The following SFMBT2 variants were observed in gnomAD, a reference collection of about 807,000 sequenced individuals.
SFMBT2 encodes the protein Scm like with four mbt domains 2.
In SFMBT2, 38 loss-of-function variants were observed where a neutral mutation model predicts 110.1. That is an observed-to-expected ratio of 0.35 (90% CI 0.27 to 0.45). The LOEUF is 0.45. Among genes scored for constraint, SFMBT2 ranks in the 20% least tolerant of loss-of-function variants. The pLI, the probability that SFMBT2 is intolerant of heterozygous loss-of-function variation, is 1.00. For missense variants in SFMBT2, 1,011 were observed against 1,094.9 expected, an observed-to-expected ratio of 0.92 and a Z score of 1.08; for synonymous variants, 425 against 425.4, an observed-to-expected ratio of 1.00 and a Z score of 0.01.
intron 2 of SFMBT2, among the ~76,000 whole-genome samples, chr10:7,375,751 C>CCACACACACAAACACA (rs1345671445): frequency 1.6e-5 from 2 of 124,772 alleles, no homozygotes; most frequent in East Asian, 4.9e-4. Flanking sequence ...AAAGAAAAAA[C>CCACACACACAAACACA]CACACACACA....
intron 3 of SFMBT2, among the ~76,000 whole-genome samples, chr10:7,369,049 C>T (rs1018427724): frequency 5.9e-5 from 9 of 152,162 alleles, no homozygotes; most frequent in South Asian, 2.1e-4. Context: ...GGAATCAAAT[C>T]GGGCATGGTG....
intron 4 of SFMBT2, among the ~76,000 whole-genome samples, chr10:7,325,011 A>G (rs537016315): frequency 8.4e-6 from 1 of 119,024 alleles, no homozygotes; most frequent in Non-Finnish European, 1.6e-5. Flanking sequence ...TCTGTTGCCC[A>G]GGCTGGAGTG....
In SFMBT2 at chr10:7,307,785, T is replaced by C. The variant is rs1243179250; in HGVS notation, c.437-21831A>G. Among the ~76,000 whole-genome samples, 4 of 152,318 alleles carry C rather than the reference T, an allele frequency of 2.6e-5. No homozygotes were observed. The East Asian group carries it at 7.7e-4, about 29-fold the overall frequency. The stretch of plus-strand genomic sequence containing the variant: ...TGTGGAAGAGGAAAAGATTTCTTAC[T>C]GGAGACACAGAAAGCATAAAAGATC... On this transcript the variant is annotated intron_variant, in intron 4 of 20. Transcript: ENST00000397167.
chr10:7,327,057 G>A (rs1318657055), intron 4 of SFMBT2, among the ~76,000 whole-genome samples: 1 of 151,084 alleles, frequency 6.6e-6, no homozygotes, highest in East Asian at 1.9e-4. Context: ...TCATACGAGG[G>A]ACTTTTGCCC....
At chr10:7,191,043 C>A (rs1211112519) in intron 15 of SFMBT2, among the ~76,000 whole-genome samples, 1 of 150,748 alleles carries the variant, frequency 6.6e-6, no homozygotes, top group South Asian at 2.1e-4. Flanking sequence ...CTTTTGCCGT[C>A]TGCCATGATT....
chr10:7,233,878 C>T (rs376983842), intron 9 of SFMBT2, among the ~76,000 whole-genome samples: 1 of 152,230 alleles, frequency 6.6e-6, no homozygotes, highest in South Asian at 2.1e-4. Flanking sequence ...ATTGCACAGA[C>T]CTCAGCTGGC....
intron 10 of SFMBT2, among the ~76,000 whole-genome samples, chr10:7,221,094 G>A (rs1454468302): frequency 6.6e-6 from 1 of 150,512 alleles, no homozygotes; most frequent in African/African-American, 2.4e-5. Flanking sequence ...CCAAAGTGCT[G>A]GGATTACAGG....
chr10:7,392,983 T>TTATATATA (rs760008467), intron 1 of SFMBT2, among the ~76,000 whole-genome samples: 9 of 59,962 alleles, frequency 1.5e-4, no homozygotes, highest in East Asian at 9.8e-4. Flanking sequence ...TGTGGATAGA[T>TTATATATA]TATATATATA....
At chr10:7,337,114 G>C (rs1197311257) in intron 4 of SFMBT2, among the ~76,000 whole-genome samples, 1 of 152,146 alleles carries the variant, frequency 6.6e-6, no homozygotes, top group South Asian at 2.1e-4. Flanking sequence ...ATTTAATGAG[G>C]GAGTGTCTCT....
chr10:7,341,464 G>T (rs556221067), intron 4 of SFMBT2, among the ~76,000 whole-genome samples: 2 of 152,284 alleles, frequency 1.3e-5, no homozygotes, highest in South Asian at 4.1e-4. Context: ...TTTTGCTTTT[G>T]TTTGGAGAGG....
At chr10:7,323,182 G>A (rs370705496) in intron 4 of SFMBT2, among the ~76,000 whole-genome samples, 11 of 152,132 alleles carry the variant, frequency 7.2e-5, no homozygotes, top group African/African-American at 2.4e-4. Flanking sequence ...AGCTGGGCGC[G>A]GTGGTTCACG....
At chr10:7,357,157 G>T (rs1022144159) in intron 4 of SFMBT2, among the ~76,000 whole-genome samples, 1 of 152,124 alleles carries the variant, frequency 6.6e-6, no homozygotes, top group Non-Finnish European at 1.5e-5. Context: ...TCTCCAGAAG[G>T]CATTAAGATG....
chr10:7,191,344 C>G (rs942130019), intron 15 of SFMBT2, among the ~76,000 whole-genome samples: 2 of 152,184 alleles, frequency 1.3e-5, no homozygotes, highest in East Asian at 3.8e-4. Context: ...ATGGCCGAAA[C>G]GCTGGGCAGC....
At chr10:7,322,294 T>G (rs1356721906) in intron 4 of SFMBT2, among the ~76,000 whole-genome samples, 1 of 152,344 alleles carries the variant, frequency 6.6e-6, no homozygotes, top group East Asian at 1.9e-4. Context: ...CTGCCATGAT[T>G]GTGAGGCCTC....
At chr10:7,183,602 C>T (rs978625309) in intron 16 of SFMBT2, among the ~76,000 whole-genome samples, 7 of 152,202 alleles carry the variant, frequency 4.6e-5, no homozygotes, top group African/African-American at 1.7e-4. Flanking sequence ...TAAATTCCCT[C>T]TTTGGGGGCA....
intron 12 of SFMBT2, chr10:7,203,442 GA>G: frequency 4.2e-6 from 1 of 240,626 alleles, no homozygotes; most frequent in Non-Finnish European, 6.7e-6. Context: ...GACCCCCTGG[GA>G]AAGAGCCAAG....
At chr10:7,247,296 T>C (rs962626682) in intron 8 of SFMBT2, among the ~76,000 whole-genome samples, 3 of 152,126 alleles carry the variant, frequency 2.0e-5, no homozygotes, top group African/African-American at 7.2e-5. Context: ...TTTGTATTTT[T>C]AGTAGAGACG....
rs1332643304 is a variant in SFMBT2 at position 7,160,868 on chromosome 10, G to A, written c.*2902C>T. Reference sequence around the variant, plus strand: ...ATCCCCGGAGAATCCAGGCTCAGAAGGACACTGGCAACAGCTGGAGGAAAA... The same window carrying A: ...ATCCCCGGAGAATCCAGGCTCAGAAAGACACTGGCAACAGCTGGAGGAAAA... On this transcript the variant is annotated 3_prime_UTR_variant, in exon 21 of 21. Coordinates refer to ENST00000397167, the MANE Select transcript of SFMBT2 (RefSeq NM_001387889.1). 6.6e-6 allele frequency: 1 copy of A among 152,260 alleles called. No homozygotes were observed. Among genetic ancestry groups the A allele is most frequent in the Non-Finnish European group, 1.5e-5 (1 of 68,088 alleles). 9.4% of individuals were successfully genotyped at this position (152,260 alleles called of 1,614,324 possible). A position where few individuals can be genotyped will look rare whatever the true frequency, so the allele number is the denominator to read the frequency against.
chr10:7,277,111 TCA>T, intron 6 of SFMBT2, 122 bp from the exon 7 acceptor site: 1 of 658,138 alleles, frequency 1.5e-6, no homozygotes, highest in Non-Finnish European at 2.7e-6. Context: ...CCGTGAGTGT[TCA>T]CACCCCATAC....
Sources: gnomAD v4.1 joint callset for allele counts (sites outside exome capture counted in the v4.1 genomes callset) on GRCh38, gnomAD v4.1.1 for gene constraint, MANE v1.5 for transcripts, NCBI Gene and HGNC (gene_info 2026-07-23, HGNC 2026-07-21) for gene names.